Variants in PLCB1 observed in about 807,000 individuals in gnomAD.
PLCB1 encodes phospholipase C beta 1.
A neutral mutation model predicts 161.8 loss-of-function variants in PLCB1; 46 were observed. The ratio of observed to expected loss-of-function variants is 0.28; its 90% CI spans 0.22 to 0.36. The LOEUF (loss-of-function observed/expected upper bound fraction) is 0.36, where lower values mean the gene tolerates loss of function less well. PLCB1 is among the 10% of genes least tolerant of loss of function. The pLI, the probability that PLCB1 is intolerant of heterozygous loss-of-function variation, is 1.00. For missense variants in PLCB1, 1,016 were observed against 1,472.5 expected, an observed-to-expected ratio of 0.69 and a Z score of 5.07; for synonymous variants, 517 against 503.7, an observed-to-expected ratio of 1.03 and a Z score of -0.35.
At chr20:8,299,166 C>T (rs945286429) in intron 2 of PLCB1, among the ~76,000 whole-genome samples, 8 of 152,130 alleles carry the variant, frequency 5.3e-5, no homozygotes, top group Non-Finnish European at 8.8e-5. Context: ...AATGTCTTTT[C>T]TTGCTGGAGT....
chr20:8,288,233 C>T (rs1292686660), intron 2 of PLCB1, among the ~76,000 whole-genome samples: 2 of 143,352 alleles, frequency 1.4e-5, no homozygotes, highest in African/African-American at 5.4e-5. Context: ...GCTTCTTGTC[C>T]TTGAGGGGCC....
chr20:8,207,252 T>A (rs1432517116), intron 2 of PLCB1, among the ~76,000 whole-genome samples: 5 of 152,198 alleles, frequency 3.3e-5, no homozygotes, highest in African/African-American at 1.2e-4. Flanking sequence ...CAAGATTACT[T>A]TTAAGTTAGC....
chr20:8,717,579 C>T (rs1979390992), intron 13 of PLCB1, 92 bp from the exon 14 acceptor site: 11 of 936,762 alleles, frequency 1.2e-5, no homozygotes, highest in Middle Eastern at 2.2e-4. Flanking sequence ...GAAGTCTAGA[C>T]ATTTGGTATC....
chr20:8,295,258 T>G (rs1983578300), intron 2 of PLCB1, among the ~76,000 whole-genome samples: 1 of 152,158 alleles, frequency 6.6e-6, no homozygotes, highest in African/African-American at 2.4e-5. Context: ...GGTAGATAAA[T>G]TGGTTTTTAT....
intron 2 of PLCB1, among the ~76,000 whole-genome samples, chr20:8,370,069 C>A (rs1163283102): frequency 1.3e-5 from 2 of 152,170 alleles, no homozygotes; most frequent in Admixed American, 1.3e-4. Context: ...CTATTGGCAG[C>A]TGAATTAGGA....
At chr20:8,179,727 A>G (rs1349333433) in intron 2 of PLCB1, among the ~76,000 whole-genome samples, 1 of 151,796 alleles carries the variant, frequency 6.6e-6, no homozygotes, top group Non-Finnish European at 1.5e-5. Context: ...TTCTTGTCCC[A>G]GTTCTCAAGG....
intron 2 of PLCB1, among the ~76,000 whole-genome samples, chr20:8,331,176 A>T (rs1985350744): frequency 6.6e-6 from 1 of 152,204 alleles, no homozygotes; most frequent in Non-Finnish European, 1.5e-5. Context: ...CCTCCAAAGA[A>T]CAATAAAACC....
At chr20:8,555,334 G>C (rs755375191) in intron 3 of PLCB1, among the ~76,000 whole-genome samples, 179 of 152,098 alleles carry the variant, frequency 1.2e-3, no homozygotes, top group Non-Finnish European at 2.1e-3. Context: ...TGAAGTGAAA[G>C]AGGTGTTTCT....
chr20:8,363,436 C>T lies in PLCB1; in HGVS notation c.178-7946C>T, dbSNP rs184275780. 1.2e-3 allele frequency among the ~76,000 whole-genome samples: 178 copies of T among 152,250 alleles called. 2 individuals carry two copies. Among genetic ancestry groups the T allele is most frequent in the Non-Finnish European group, 6.9e-4 (47 of 68,014 alleles). On this transcript the variant is annotated intron_variant, in intron 2 of 31. Transcript: ENST00000338037. ...GAGGTCTTCTTCTCCATAGTCAGTA[C>T]ACAGCACAGCCAGCAGATTAGTGTC... is the stretch of plus-strand genomic sequence containing the variant.
intron 31 of PLCB1, among the ~76,000 whole-genome samples, chr20:8,862,814 G>T (rs1452611275): frequency 2.0e-5 from 3 of 152,096 alleles, no homozygotes; most frequent in South Asian, 2.1e-4. Context: ...GTCTTCATTT[G>T]GGTTCCCCCA....
intron 2 of PLCB1, among the ~76,000 whole-genome samples, chr20:8,230,311 C>T (rs1294628691): frequency 4.6e-5 from 7 of 151,998 alleles, no homozygotes; most frequent in Non-Finnish European, 1.0e-4. Flanking sequence ...ATGGGATACA[C>T]CTGATCTTTT....
chr20:8,192,306 A>G (rs920303368), intron 2 of PLCB1, among the ~76,000 whole-genome samples: 2 of 152,004 alleles, frequency 1.3e-5, no homozygotes, highest in South Asian at 2.1e-4. Context: ...ATTAAGTCTG[A>G]TGGATTTTCT....
In PLCB1 at chr20:8,252,177, G is replaced by A. The variant is rs183463405; in HGVS notation, c.177+101806G>A. Among the ~76,000 whole-genome samples, 326 of 152,036 alleles carry A rather than the reference G, an allele frequency of 2.1e-3. 1 individual carries two copies. The highest frequency in any genetic ancestry group is 7.6e-3 in the African/African-American group (316 of 41,510). ...AGGATACACAACTTGGCAATGTCGA[G>A]ATCCAGCCATCCAAACAAGCATGGA... is the stretch of plus-strand genomic sequence containing the variant. On this transcript the variant is annotated intron_variant, in intron 2 of 31. Transcript: ENST00000338037.
chr20:8,260,662 G>C (rs2123241244), intron 2 of PLCB1, among the ~76,000 whole-genome samples: 1 of 152,236 alleles, frequency 6.6e-6, no homozygotes, highest in South Asian at 2.1e-4. Flanking sequence ...TCTATGCCTG[G>C]TGCTAAAGAG....
chr20:8,546,657 CT>C (rs1985561964), intron 3 of PLCB1, among the ~76,000 whole-genome samples: 1 of 152,066 alleles, frequency 6.6e-6, no homozygotes, highest in African/African-American at 2.4e-5. Context: ...CAGCACAGAG[CT>C]GATAAACCTC....
intron 2 of PLCB1, among the ~76,000 whole-genome samples, chr20:8,348,272 A>T (rs1482020745): frequency 6.6e-6 from 1 of 152,206 alleles, no homozygotes; most frequent in African/African-American, 2.4e-5. Context: ...ACTTTTGCTG[A>T]TACAAACATG....
chr20:8,543,480 G>T (rs1157197918), intron 3 of PLCB1, among the ~76,000 whole-genome samples: 4 of 152,064 alleles, frequency 2.6e-5, no homozygotes, highest in African/African-American at 9.7e-5. Flanking sequence ...AAGGGCACAA[G>T]AAACTTTTAA....
chr20:8,795,801 G>A (rs1983993116), intron 31 of PLCB1, among the ~76,000 whole-genome samples: 2 of 151,810 alleles, frequency 1.3e-5, no homozygotes, highest in African/African-American at 2.4e-5. Flanking sequence ...CTGGAACCCG[G>A]GAGGCGGAGG....
chr20:8,811,114 C>G (rs947137558), intron 31 of PLCB1, among the ~76,000 whole-genome samples: 1 of 152,142 alleles, frequency 6.6e-6, no homozygotes, highest in African/African-American at 2.4e-5. Context: ...AGGGCATGAT[C>G]CCCAGTGTCT....
Sources: gnomAD v4.1 joint callset for allele counts (sites outside exome capture counted in the v4.1 genomes callset) on GRCh38, gnomAD v4.1.1 for gene constraint, MANE v1.5 for transcripts, NCBI Gene and HGNC (gene_info 2026-07-23, HGNC 2026-07-21) for gene names.